Variants in POU6F2 observed in about 807,000 individuals in gnomAD.
POU6F2 encodes the protein POU class 6 homeobox 2.
Under a neutral mutation model 71.3 loss-of-function variants are expected in POU6F2, and 31 were observed. That is an observed-to-expected ratio of 0.43 (90% CI 0.33 to 0.59). POU6F2 has a LOEUF of 0.59. Ranked by LOEUF, POU6F2 falls within the 20% of genes least tolerant of loss-of-function variation. The pLI, the probability that POU6F2 is intolerant of heterozygous loss-of-function variation, is 0.04. For missense variants in POU6F2, 783 were observed against 856.8 expected, an observed-to-expected ratio of 0.91 and a Z score of 1.07; for synonymous variants, 347 against 355.7, an observed-to-expected ratio of 0.98 and a Z score of 0.27.
At chr7:39,203,478 A>G (rs917340540) in intron 2 of POU6F2, among the ~76,000 whole-genome samples, 1 of 152,210 alleles carries the variant, frequency 6.6e-6, no homozygotes, top group Non-Finnish European at 1.5e-5. Context: ...CTTACCTGCT[A>G]TAGTTTGTCC....
intron 3 of POU6F2, among the ~76,000 whole-genome samples, chr7:39,205,638 C>T (rs777078503): frequency 2.6e-5 from 4 of 152,106 alleles, no homozygotes; most frequent in South Asian, 2.1e-4. Flanking sequence ...TATACATTCC[C>T]GAAGTATATT....
intron 6 of POU6F2, among the ~76,000 whole-genome samples, chr7:39,420,492 A>G (rs1457466083): frequency 1.3e-5 from 2 of 152,352 alleles, no homozygotes; most frequent in Non-Finnish European, 1.5e-5. Context: ...TGGGAATAGT[A>G]TCTATGGTTT....
At position 39,076,076 on chromosome 7, in the gene POU6F2, A is replaced by G. The variant is rs1415525841; in HGVS notation, c.106-9784A>G. ...TAGCTGGGTGAGGCCTCGGCTTCAT[A>G]TTATGTAGTTTCAGACACAGCTGAA... On this transcript the variant is annotated intron_variant, in intron 1 of 9. Transcript: ENST00000518318. Among the ~76,000 whole-genome samples the G allele has an allele frequency of 2.6e-5, 4 of 152,274 alleles. No homozygotes were observed. In the East Asian group the frequency reaches 7.7e-4, roughly 29 times the overall value.
chr7:39,450,162 G>A (rs560571857), intron 7 of POU6F2, among the ~76,000 whole-genome samples: 2 of 152,264 alleles, frequency 1.3e-5, no homozygotes, highest in East Asian at 3.9e-4. Flanking sequence ...GGAAAGCAGT[G>A]ACAAATATGA....
Position 39,313,802 on chromosome 7 carries a change from A to G in POU6F2, c.599-25840A>G, listed in dbSNP as rs1006132301. Among the ~76,000 whole-genome samples, 8 of 152,356 alleles carry G rather than the reference A, an allele frequency of 5.3e-5. No homozygotes were observed. The South Asian group carries it at 8.3e-4, about 16-fold the overall frequency. ...ACAGAAACAGAATTTGAACACTTACAGAAAGGTAAATTTTTCCGTTTTTCA... is the reference window on the plus strand; with the variant it reads ...ACAGAAACAGAATTTGAACACTTACGGAAAGGTAAATTTTTCCGTTTTTCA... On this transcript the variant is annotated intron_variant, in intron 4 of 9. Transcript: ENST00000518318.
rs1319133481 is a variant in POU6F2, at chr7:39,464,137, A to G, written c.1659-45A>G. ...AGGCAGGCAGGAGGCCCACCCTGGC[A>G]GAGGACTCAGTGTAAGACTGTTCTT... On this transcript the variant is annotated intron_variant, in intron 9 of 9. Coordinates refer to ENST00000518318, the MANE Select transcript of POU6F2 (RefSeq NM_001370959.1). This position sits in a 1 kb window ranked among gnomAD's most constrained non-coding sequence, Gnocchi z 4.1. The G allele has an allele frequency of 2.5e-6, 4 of 1,574,412 alleles. No homozygotes were observed. Among genetic ancestry groups the G allele is most frequent in the Admixed American group, 1.8e-5 (1 of 56,974 alleles).
intron 7 of POU6F2, among the ~76,000 whole-genome samples, chr7:39,443,001 G>A (rs1198636175): frequency 6.6e-6 from 1 of 152,118 alleles, no homozygotes; most frequent in African/African-American, 2.4e-5. Context: ...GGCAGGAATG[G>A]TGCCACTCCT....
intron 1 of POU6F2, among the ~76,000 whole-genome samples, chr7:39,047,404 T>C (rs1388874016): frequency 6.6e-6 from 1 of 151,940 alleles, no homozygotes; most frequent in African/African-American, 2.4e-5. Context: ...TCAGCACTTG[T>C]AGTTTTCATT....
chr7:39,442,690 T>C (rs1180698505), intron 7 of POU6F2, among the ~76,000 whole-genome samples: 1 of 152,246 alleles, frequency 6.6e-6, no homozygotes, highest in Non-Finnish European at 1.5e-5. Context: ...AACCCTAGTT[T>C]CATCTGGTCC....
At chr7:39,424,264 C>A (rs1787917460) in intron 6 of POU6F2, among the ~76,000 whole-genome samples, 1 of 152,204 alleles carries the variant, frequency 6.6e-6, no homozygotes, top group Non-Finnish European at 1.5e-5. Context: ...CAGTCCATAG[C>A]AATGCCCAGC....
intron 2 of POU6F2, among the ~76,000 whole-genome samples, chr7:39,131,352 G>A (rs992780378): frequency 1.3e-5 from 2 of 152,220 alleles, no homozygotes; most frequent in Middle Eastern, 3.4e-3. Flanking sequence ...CATATTTGAC[G>A]AATAATTAAC....
intron 6 of POU6F2, among the ~76,000 whole-genome samples, chr7:39,416,243 A>T (rs1009313062): frequency 2.3e-4 from 35 of 152,314 alleles, no homozygotes; most frequent in African/African-American, 7.7e-4. Flanking sequence ...CCAGACAGGT[A>T]GTGTCAGGGA....
At chr7:39,392,032 C>T (rs1205815198) in intron 5 of POU6F2, among the ~76,000 whole-genome samples, 1 of 152,164 alleles carries the variant, frequency 6.6e-6, no homozygotes, top group Non-Finnish European at 1.5e-5. Context: ...CTTGCTAAAG[C>T]CTTGACTCAC....
At chr7:39,061,133 A>C (rs914272103) in intron 1 of POU6F2, among the ~76,000 whole-genome samples, 1 of 152,180 alleles carries the variant, frequency 6.6e-6, no homozygotes, top group African/African-American at 2.4e-5. Flanking sequence ...TTCCAAATAA[A>C]ATAATTTAGA....
intron 1 of POU6F2, among the ~76,000 whole-genome samples, chr7:39,012,155 G>T (rs887758813): frequency 6.6e-6 from 1 of 151,278 alleles, no homozygotes; most frequent in Non-Finnish European, 1.5e-5. Flanking sequence ...TCACTTTCAG[G>T]TACACCAATC....
intron 4 of POU6F2, among the ~76,000 whole-genome samples, chr7:39,250,832 G>T (rs912769799): frequency 1.3e-5 from 2 of 152,158 alleles, no homozygotes; most frequent in African/African-American, 4.8e-5. Context: ...ATAAATCCCT[G>T]TTGGCCAGAT....
At chr7:39,349,675 T>A (rs1786102421) in intron 5 of POU6F2, among the ~76,000 whole-genome samples, 2 of 152,216 alleles carry the variant, frequency 1.3e-5, no homozygotes, top group African/African-American at 4.8e-5. Context: ...AAACTCCATG[T>A]CTGTGGGGCA....
chr7:39,448,579 T>G (rs1788580025), intron 7 of POU6F2, among the ~76,000 whole-genome samples: 1 of 152,250 alleles, frequency 6.6e-6, no homozygotes, highest in African/African-American at 2.4e-5. Context: ...ATAATTATTT[T>G]ATTTTCATCT....
intron 6 of POU6F2, among the ~76,000 whole-genome samples, chr7:39,424,563 C>T (rs775807675): frequency 5.3e-5 from 8 of 152,178 alleles, no homozygotes; most frequent in Non-Finnish European, 1.0e-4. Flanking sequence ...CCACCAATCA[C>T]TCCAGGAATA....
Sources: gnomAD v4.1 joint callset for allele counts (sites outside exome capture counted in the v4.1 genomes callset) on GRCh38, gnomAD v4.1.1 for gene constraint, Gnocchi (gnomAD v3.1) non-coding constraint, MANE v1.5 for transcripts, NCBI Gene and HGNC (gene_info 2026-07-23, HGNC 2026-07-21) for gene names.